The following PDE10A variants were observed in gnomAD, a reference collection of about 807,000 sequenced individuals.
PDE10A encodes the protein phosphodiesterase 10A.
PDE10A carries 39 observed loss-of-function variants against 97.7 expected under a neutral mutation model. That is an observed-to-expected ratio of 0.40 (90% CI 0.31 to 0.52). PDE10A has a LOEUF of 0.52. PDE10A is among the 20% of genes least tolerant of loss of function. The probability of loss-of-function intolerance (pLI) is 0.56; values close to 1 mark genes in which losing one functional copy is unlikely to be tolerated. For missense variants in PDE10A, 731 were observed against 1,047.8 expected, an observed-to-expected ratio of 0.70 and a Z score of 4.17; for synonymous variants, 371 against 376.8, an observed-to-expected ratio of 0.98 and a Z score of 0.18.
intron 1 of PDE10A, among the ~76,000 whole-genome samples, chr6:165,571,197 G>A (rs1785033252): frequency 6.6e-6 from 1 of 152,178 alleles, no homozygotes; most frequent in Non-Finnish European, 1.5e-5. Flanking sequence ...TCCGCCAGCT[G>A]TTTGCTAGCA....
chr6:165,731,725 TGGACTGATGCCTA>T (rs2128451213), intron 1 of PDE10A, among the ~76,000 whole-genome samples: 1 of 152,330 alleles, frequency 6.6e-6, no homozygotes, highest in East Asian at 1.9e-4. Flanking sequence ...TTAAAACACT[TGGACTGATGCCTA>T]GGACTTAGTG....
At chr6:165,919,444 G>A (rs768146138) in intron 1 of PDE10A, among the ~76,000 whole-genome samples, 10 of 152,182 alleles carry the variant, frequency 6.6e-5, no homozygotes, top group South Asian at 2.1e-4. Context: ...CACAGACCAC[G>A]TTTCTCCTAT....
At chr6:165,791,214 G>T (rs987415844) in intron 1 of PDE10A, among the ~76,000 whole-genome samples, 1 of 151,990 alleles carries the variant, frequency 6.6e-6, no homozygotes, top group Middle Eastern at 3.4e-3. Flanking sequence ...CTCCCGAAGC[G>T]TTGGAAGGGC....
At chr6:165,567,117 GAACA>G (rs534467564) in intron 1 of PDE10A, among the ~76,000 whole-genome samples, 70 of 152,244 alleles carry the variant, frequency 4.6e-4, no homozygotes, top group Admixed American at 3.8e-3. Flanking sequence ...ACAATAATGA[GAACA>G]AACTATTCAG....
intron 1 of PDE10A, among the ~76,000 whole-genome samples, chr6:165,721,846 T>G (rs367583591): frequency 6.6e-6 from 1 of 152,190 alleles, no homozygotes; most frequent in Non-Finnish European, 1.5e-5. Flanking sequence ...TATACTGATA[T>G]ATAAATGAAG....
chr6:165,550,869 G>A (rs1175503715), intron 1 of PDE10A, among the ~76,000 whole-genome samples: 2 of 152,172 alleles, frequency 1.3e-5, no homozygotes, highest in Non-Finnish European at 2.9e-5. Context: ...TTCACAGCGT[G>A]AGATGGTTTC....
intron 1 of PDE10A, among the ~76,000 whole-genome samples, chr6:165,866,553 A>G (rs1420052877): frequency 1.3e-5 from 2 of 151,886 alleles, no homozygotes; most frequent in Non-Finnish European, 2.9e-5. Context: ...CATTTAGAAT[A>G]ATAATGATCT....
chr6:165,680,352 C>T (rs60428267), intron 1 of PDE10A, among the ~76,000 whole-genome samples: 5,377 of 152,212 alleles, frequency 0.035, 328 homozygotes, highest in African/African-American at 0.12. Flanking sequence ...GCAACCTCCA[C>T]GGAGGAAACA....
chr6:165,366,481 AG>A (rs1174882274), intron 18 of PDE10A, among the ~76,000 whole-genome samples: 1 of 152,236 alleles, frequency 6.6e-6, no homozygotes, highest in Non-Finnish European at 1.5e-5. Flanking sequence ...AATTCTAGAT[AG>A]AACTAAAAAC....
At chr6:165,485,707 C>T (rs1202381357) in intron 2 of PDE10A, among the ~76,000 whole-genome samples, 1 of 151,746 alleles carries the variant, frequency 6.6e-6, no homozygotes, top group African/African-American at 2.4e-5. Flanking sequence ...ATACTCCTGC[C>T]TCAGCCTCCT....
At position 165,329,262 on chromosome 6, in the gene PDE10A, T is replaced by A. The variant is rs1296142823; in HGVS notation, c.*3763A>T. 6.6e-6 allele frequency: 1 copy of A among 152,234 alleles called. No individual in the cohort carries two copies. Among genetic ancestry groups the A allele is most frequent in the African/African-American group, 2.4e-5 (1 of 41,466 alleles). The allele number at this position is 152,234 out of a possible 1,614,324, so 9.4% of individuals were successfully genotyped here. A position where few individuals can be genotyped will look rare whatever the true frequency, so the allele number is the denominator to read the frequency against. The stretch of plus-strand genomic sequence containing the variant: ...AAAAGACTGACTCTGAACAGTTCAC[T>A]GGTTATAGTCACCAGGGTATATGTC... On this transcript the variant is annotated 3_prime_UTR_variant, in exon 22 of 22. Transcript: ENST00000539869.
chr6:165,657,196 G>C (rs1790010140), intron 1 of PDE10A, among the ~76,000 whole-genome samples: 1 of 152,182 alleles, frequency 6.6e-6, no homozygotes, highest in African/African-American at 2.4e-5. Flanking sequence ...AAACTGATAA[G>C]CCAGTAAGTG....
chr6:165,854,501 C>A (rs1038148588), intron 1 of PDE10A, among the ~76,000 whole-genome samples: 1 of 152,200 alleles, frequency 6.6e-6, no homozygotes. Context: ...GCGGCTCTCG[C>A]GGCCAGACAA....
Position 165,656,747 on chromosome 6 carries a change from C to CTCTTCACACCTT in PDE10A, c.865+5188_865+5199dup, listed in dbSNP as rs568414977. ...GCTTCTCGCAAAGCGAAGGCACTGC[C>CTCTTCACACCTT]TCTTCACACCTTGTGAAACCTTTCC... On this transcript the variant is annotated intron_variant, in intron 1 of 21. Coordinates refer to ENST00000539869, the MANE Select transcript of PDE10A (RefSeq NM_001385079.1). Among the ~76,000 whole-genome samples the CTCTTCACACCTT allele has an allele frequency of 3.3e-5, 5 of 152,314 alleles. No individual in the cohort carries two copies. In the East Asian group the frequency reaches 9.7e-4, roughly 30 times the overall value.
intron 1 of PDE10A, among the ~76,000 whole-genome samples, chr6:165,972,204 C>A (rs1008347218): frequency 1.3e-5 from 2 of 152,094 alleles, no homozygotes; most frequent in Non-Finnish European, 1.5e-5. Flanking sequence ...GAGAGTGCAC[C>A]TTTCACTCTG....
chr6:165,498,475 A>T (rs1157308791), intron 2 of PDE10A, among the ~76,000 whole-genome samples: 1 of 144,096 alleles, frequency 6.9e-6, no homozygotes, highest in Non-Finnish European at 1.5e-5. Flanking sequence ...AATCAGTAAC[A>T]GAGTAAGAGT....
intron 1 of PDE10A, among the ~76,000 whole-genome samples, chr6:165,757,923 T>C (rs1793155466): frequency 6.6e-6 from 1 of 152,254 alleles, no homozygotes; most frequent in Admixed American, 6.5e-5. Flanking sequence ...GTTTGATTTC[T>C]AATTTTTTAA....
chr6:165,402,000 A>G (rs1786703477), intron 13 of PDE10A, among the ~76,000 whole-genome samples: 1 of 152,172 alleles, frequency 6.6e-6, no homozygotes, highest in African/African-American at 2.4e-5. Context: ...CCTGTAATAC[A>G]GTGCAATTCT....
intron 1 of PDE10A, among the ~76,000 whole-genome samples, chr6:165,624,191 G>A (rs1419601218): frequency 1.3e-5 from 2 of 152,132 alleles, no homozygotes; most frequent in Non-Finnish European, 1.5e-5. Flanking sequence ...CCCTCCTCTG[G>A]CCCAGGCCTC....
Sources: allele counts gnomAD v4.1 joint callset (sites outside exome capture counted in the v4.1 genomes callset), GRCh38; gene constraint gnomAD v4.1.1; transcripts MANE v1.5; gene names NCBI Gene and HGNC (gene_info 2026-07-23, HGNC 2026-07-21).